The following MYH15 variants were observed in gnomAD, a reference collection of about 807,000 sequenced individuals.
The protein encoded by MYH15 is myosin-15.
MYH15 carries 227 observed loss-of-function variants against 240.5 expected under a neutral mutation model. The ratio of observed to expected loss-of-function variants is 0.94; its 90% confidence interval spans 0.85 to 1.05. The LOEUF is 1.05. MYH15 is among the 50% of genes least tolerant of loss of function. MYH15 has a pLI of 0.00. For missense variants in MYH15, 2,217 were observed against 2,247.5 expected, an observed-to-expected ratio of 0.99 and a Z score of 0.27; for synonymous variants, 785 against 796.7, an observed-to-expected ratio of 0.99 and a Z score of 0.25.
intron 32 of MYH15, among the ~76,000 whole-genome samples, chr3:108,406,876 C>A (rs1016389937): frequency 1.3e-5 from 2 of 152,162 alleles, no homozygotes; most frequent in Non-Finnish European, 2.9e-5. Context: ...TTATACAGGA[C>A]ATAAATGGCC....
In MYH15 at chr3:108,500,177, G is replaced by A. The variant is rs917834045; in HGVS notation, c.437C>T (p.Ser146Leu). Residue 146 changes from serine (S) to leucine (L), a missense_variant, in exon 4 of 41, where the codon TCA becomes TTA. Transcript: ENST00000693548. ...AGCAAAGATGTGAGGGGGAGCCTCT[G>A]ATCGCCTCTTCCCTTTGTAGGCGGC... ...VMAAYKGKRRSEAPPHIFAVA... is the reference protein window; with the variant it reads ...VMAAYKGKRRLEAPPHIFAVA... 2.5e-6 allele frequency: 4 copies of A among 1,613,996 alleles called. No individual in the cohort carries two copies. The highest frequency in any genetic ancestry group is 2.5e-6 in the Non-Finnish European group (3 of 1,179,972).
At chr3:108,458,453 T>C (rs376227762) in intron 18 of MYH15, among the ~76,000 whole-genome samples, 1 of 152,276 alleles carries the variant, frequency 6.6e-6, no homozygotes, top group African/African-American at 2.4e-5. Context: ...TTTCCCAAAA[T>C]AGGCCATAGA....
chr3:108,539,380 G>T, the MYH15 span, among the ~76,000 whole-genome samples: 1 of 152,032 alleles, frequency 6.6e-6, no homozygotes, highest in Non-Finnish European at 1.5e-5. Flanking sequence ...TTTTGACTTG[G>T]GTAGCTGTTC....
At chr3:108,389,214 G>A in intron 37 of MYH15, 140 bp from the exon 38 acceptor site, 1 of 625,934 alleles carries the variant, frequency 1.6e-6, no homozygotes, top group Admixed American at 3.2e-5. Context: ...ACAGGACAGT[G>A]TCTCTGGGAA....
the MYH15 span, among the ~76,000 whole-genome samples, chr3:108,545,485 GTTATTCTCATT>G: frequency 6.6e-6 from 1 of 151,070 alleles, no homozygotes; most frequent in Admixed American, 6.6e-5. Context: ...ACAAGTATGT[GTTATTCTCATT>G]TTACAGAAGA....
intron 9 of MYH15, among the ~76,000 whole-genome samples, chr3:108,489,218 T>C (rs1249491840): frequency 6.6e-6 from 1 of 152,238 alleles, no homozygotes; most frequent in Non-Finnish European, 1.5e-5. Flanking sequence ...AGATTCTCTC[T>C]TGATGATGCA....
intron 30 of MYH15, among the ~76,000 whole-genome samples, chr3:108,412,889 G>A (rs2082605115): frequency 1.3e-5 from 2 of 152,180 alleles, no homozygotes; most frequent in South Asian, 2.1e-4. Context: ...CCTCCCTGAG[G>A]TGATTTAGAG....
At chr3:108,549,358 T>C in the MYH15 span, among the ~76,000 whole-genome samples, 1 of 151,596 alleles carries the variant, frequency 6.6e-6, no homozygotes, top group Non-Finnish European at 1.5e-5. Context: ...AGAAACAATA[T>C]GAAAGGTGTT....
the MYH15 span, among the ~76,000 whole-genome samples, chr3:108,545,371 G>A: frequency 1.3e-5 from 2 of 152,118 alleles, no homozygotes; most frequent in South Asian, 4.1e-4. Context: ...AGGAAACCAA[G>A]GACAAAGGAC....
chr3:108,460,953 T>G (rs1175193899), intron 16 of MYH15, among the ~76,000 whole-genome samples: 1 of 152,198 alleles, frequency 6.6e-6, no homozygotes, highest in African/African-American at 2.4e-5. Context: ...CTTCTTTCAG[T>G]TTTTCTATAT....
intron 27 of MYH15, among the ~76,000 whole-genome samples, chr3:108,425,772 T>C (rs1482285584): frequency 2.0e-5 from 3 of 152,194 alleles, no homozygotes; most frequent in Non-Finnish European, 4.4e-5. Flanking sequence ...ATCCTTCTGA[T>C]GAGGACTCAC....
chr3:108,529,201 T>A (rs111422319), intron 1 of MYH15: 2 of 1,514,568 alleles, frequency 1.3e-6, no homozygotes, highest in African/African-American at 2.8e-5. Context: ...TCTAGGCTGC[T>A]ACTGTCAGGC....
intron 12 of MYH15, 118 bp from the exon 13 acceptor site, chr3:108,470,965 G>T: frequency 1.2e-6 from 1 of 822,040 alleles, no homozygotes; most frequent in Non-Finnish European, 1.8e-6. Flanking sequence ...GACCTTCTGT[G>T]CTTCCAACAT....
chr3:108,459,971 T>C (rs916580721), intron 17 of MYH15, among the ~76,000 whole-genome samples: 28 of 152,140 alleles, frequency 1.8e-4, no homozygotes, highest in African/African-American at 6.8e-4. Flanking sequence ...TGGTCTCCCT[T>C]GAGGCAAGGG....
intron 30 of MYH15, among the ~76,000 whole-genome samples, chr3:108,413,968 T>G (rs1005501519): frequency 2.6e-5 from 4 of 152,208 alleles, no homozygotes; most frequent in African/African-American, 9.6e-5. Context: ...AAACTTCCCT[T>G]GTGCCCCTAG....
At position 108,410,600 on chromosome 3, in the gene MYH15, T is replaced by TC. The variant is rs1211076983; in HGVS notation, c.4477dup (p.Glu1493GlyfsTer11). ...CGGTGTACCTTGGAGGTTCTTGTTC[T>TC]CCCTCCTGAGTGTCTCCTGGCCCAC... On this transcript the variant is annotated frameshift_variant, in exon 31 of 41. Coordinates refer to ENST00000693548, the MANE Select transcript of MYH15 (RefSeq NM_014981.3). LOFTEE classifies it high-confidence loss of function. 2 of 1,592,982 alleles carry TC rather than the reference T, an allele frequency of 1.3e-6. No individual in the cohort carries two copies. Among genetic ancestry groups the TC allele is most frequent in the Middle Eastern group, 1.7e-4 (1 of 5,966 alleles).
intron 21 of MYH15, among the ~76,000 whole-genome samples, chr3:108,453,602 C>T (rs1023411457): frequency 3.3e-5 from 5 of 151,988 alleles, no homozygotes; most frequent in Admixed American, 2.6e-4. Flanking sequence ...AGTTTCTGAC[C>T]CAGGGGAGGT....
chr3:108,548,516 T>C, the MYH15 span, among the ~76,000 whole-genome samples: 2 of 152,156 alleles, frequency 1.3e-5, no homozygotes, highest in Non-Finnish European at 2.9e-5. Context: ...TGTGCTGCAA[T>C]AGCAGGGTTG....
chr3:108,515,098 C>T (rs967409095), upstream of MYH15, among the ~76,000 whole-genome samples: 14 of 152,140 alleles, frequency 9.2e-5, no homozygotes, highest in African/African-American at 3.4e-4. Flanking sequence ...AGGAATGAGC[C>T]GCAAGTAGCC....
Sources: gnomAD v4.1 joint callset for allele counts (sites outside exome capture counted in the v4.1 genomes callset) on GRCh38, gnomAD v4.1.1 for gene constraint, MANE v1.5 for transcripts, NCBI Gene and HGNC (gene_info 2026-07-23, HGNC 2026-07-21) for gene names.